KCNC1: variants seen among roughly 807,000 people sequenced by gnomAD.
KCNC1 encodes the protein voltage-gated potassium channel KCNC1.
A neutral mutation model predicts 43.4 loss-of-function variants in KCNC1; 8 were observed. The ratio of observed to expected loss-of-function variants is 0.18; its 90% CI spans 0.11 to 0.33. The LOEUF (loss-of-function observed/expected upper bound fraction) is 0.33, where lower values mean the gene tolerates loss of function less well. KCNC1 is among the 10% of genes least tolerant of loss of function. The pLI is 1.00. For synonymous variants in KCNC1, 361 were observed against 360.5 expected, an observed-to-expected ratio of 1.00 and a Z score of -0.01; for missense variants, 420 against 836.0, an observed-to-expected ratio of 0.50 and a Z score of 6.14.
chr11:17,771,800 T>C lies in KCNC1; in HGVS notation c.706T>C (p.Tyr236His), dbSNP rs1849232996. 1.2e-6 allele frequency: 2 copies of C among 1,614,256 alleles called. No individual in the cohort carries two copies. The highest frequency in any genetic ancestry group is 8.5e-7 in the Non-Finnish European group (1 of 1,180,034). The part of the protein sequence containing the change: ...NVRNGTQVRY[Y>H]REAETEAFLT... ...TCGCAATGGCACGCAAGTGCGCTAC[T>C]ACCGGGAGGCCGAGACGGAGGCCTT... Residue 236 changes from tyrosine to histidine, a missense_variant, in exon 2 of 4, where the codon TAC becomes CAC. Transcript: ENST00000265969. This position sits in a 1 kb window ranked among gnomAD's most constrained non-coding sequence, Gnocchi z 4.7.
At chr11:17,768,699 G>A (rs1468019397) in intron 1 of KCNC1, among the ~76,000 whole-genome samples, 1 of 151,872 alleles carries the variant, frequency 6.6e-6, no homozygotes, top group East Asian at 1.9e-4. Flanking sequence ...CCAGGATTGA[G>A]AGCCAAGTGT....
chr11:17,767,360 GA>G (rs1486408194), intron 1 of KCNC1, among the ~76,000 whole-genome samples: 4 of 151,826 alleles, frequency 2.6e-5, no homozygotes, highest in African/African-American at 9.7e-5. Context: ...GCCTCATCAC[GA>G]GCTTTAAAAC....
At position 17,767,437 on chromosome 11, in the gene KCNC1, C is replaced by T. The variant is rs528816197; in HGVS notation, c.571-4228C>T. Among the ~76,000 whole-genome samples the T allele has an allele frequency of 2.5e-3, 375 of 152,318 alleles. 2 individuals carry two copies. The highest frequency in any genetic ancestry group is 8.4e-3 in the African/African-American group (348 of 41,564). ...CCTTGAAGCAATGGGGATATGGCCC[C>T]GTCTCACCAAGCTGGTGTGAGGACT... is the stretch of plus-strand genomic sequence containing the variant. On this transcript the variant is annotated intron_variant, in intron 1 of 3. Transcript: ENST00000265969.
intron 1 of KCNC1, among the ~76,000 whole-genome samples, chr11:17,758,164 C>CACCAGGAATAGATTCCATCTCAAGAA (rs1849041561): frequency 1.3e-5 from 2 of 152,240 alleles, no homozygotes; most frequent in African/African-American, 2.4e-5. Flanking sequence ...ATAGCATCTT[C>CACCAGGAATAGATTCCATCTCAAGAA]ACCAGGAATA....
chr11:17,765,832 T>C (rs1849143956), intron 1 of KCNC1: 1 of 152,310 alleles, frequency 6.6e-6, no homozygotes, highest in South Asian at 2.1e-4. Context: ...CAGGCCTGGA[T>C]CCTGGGTGTG....
Position 17,776,893 on chromosome 11 carries a change from A to G in KCNC1, c.1505-2563A>G, listed in dbSNP as rs1343904167. The G allele has an allele frequency of 4.1e-6, 4 of 985,188 alleles. No homozygotes were observed. The highest frequency in any genetic ancestry group is 6.1e-5 in the Admixed American group (1 of 16,264). The allele number at this position is 985,188 out of a possible 1,614,324, so 61.0% of individuals were successfully genotyped here. A position where few individuals can be genotyped will look rare whatever the true frequency, so the allele number is the denominator to read the frequency against. ...TGAAAGCATCTTAAACCATAGATAG[A>G]CGAACAGCCCAGGGGCCTGGGCCCC... On this transcript the variant is annotated intron_variant, in intron 2 of 3. Transcript: ENST00000265969. This position sits in a 1 kb window ranked among gnomAD's most constrained non-coding sequence, Gnocchi z 4.4.
chr11:17,773,685 G>A lies in KCNC1; in HGVS notation c.1504+1087G>A. 5 of 985,396 alleles carry A rather than the reference G, an allele frequency of 5.1e-6. No homozygotes were observed. The highest frequency in any genetic ancestry group is 6.0e-6 in the Non-Finnish European group (5 of 829,920). The allele number at this position is 985,396 out of a possible 1,614,324, so 61.0% of individuals were successfully genotyped here. On this transcript the variant is annotated intron_variant, in intron 2 of 3. Coordinates refer to ENST00000265969, the MANE Select transcript of KCNC1 (RefSeq NM_001112741.2). This position sits in a 1 kb window ranked among gnomAD's most constrained non-coding sequence, Gnocchi z 4.1. ...GAACCTGCACATAGCACATAAAGTT[G>A]ATCATGGGGCTCTGGTCCGAAGATA...
chr11:17,775,353 C>G (rs1290379642), intron 2 of KCNC1: 3 of 984,598 alleles, frequency 3.0e-6, no homozygotes, highest in Non-Finnish European at 3.6e-6. Context: ...CTCTTGGTCT[C>G]GTCTGAAGCC....
At chr11:17,741,306 G>C (rs373499944) in intron 1 of KCNC1, among the ~76,000 whole-genome samples, 1 of 147,738 alleles carries the variant, frequency 6.8e-6, no homozygotes, top group East Asian at 2.0e-4. Context: ...TGGGAATAAA[G>C]TTAGAACCGT....
Position 17,736,513 on chromosome 11 carries a change from C to A in KCNC1, c.511C>A (p.Arg171Ser). 3 of 1,585,812 alleles carry A rather than the reference C, an allele frequency of 1.9e-6. No individual in the cohort carries two copies. The highest frequency in any genetic ancestry group is 2.6e-6 in the Non-Finnish European group (3 of 1,173,276). Residue 171 changes from arginine to serine, a missense_variant, in exon 1 of 4, where the codon CGC (arginine) becomes AGC (serine). Physicochemically the swap from Arg to Ser is moderately radical, Grantham distance 110. Transcript: ENST00000265969. This position sits in a 1 kb window ranked among gnomAD's most constrained non-coding sequence, Gnocchi z 9.3. ...TGGCCGGCCTGGCGGCTTTTGGCGC[C>A]GCTGGCAGCCGCGCATCTGGGCGCT... ...PDGRPGGFWR[R>S]WQPRIWALFE...
At chr11:17,760,324 C>T (rs1467506656) in intron 1 of KCNC1, among the ~76,000 whole-genome samples, 1 of 152,156 alleles carries the variant, frequency 6.6e-6, no homozygotes, top group Non-Finnish European at 1.5e-5. Context: ...TAGGAGACAC[C>T]TGCTTGTTCT....
Position 17,742,242 on chromosome 11 carries a change from C to T in KCNC1, c.570+5670C>T, listed in dbSNP as rs932947410. On this transcript the variant is annotated intron_variant, in intron 1 of 3. Coordinates refer to ENST00000265969, the MANE Select transcript of KCNC1 (RefSeq NM_001112741.2). This position sits in a 1 kb window ranked among gnomAD's most constrained non-coding sequence, Gnocchi z 4.2. ...AGCATTTGGAGTCTGTGCTCCTTGA[C>T]TCTGAGCAGGAGGCCTGGCCTCTGC... Among the ~76,000 whole-genome samples, 1 of 152,058 alleles carries T rather than the reference C, an allele frequency of 6.6e-6. No individual in the cohort carries two copies. Among genetic ancestry groups the T allele is most frequent in the African/African-American group, 2.4e-5 (1 of 41,388 alleles).
Position 17,774,419 on chromosome 11 carries a change from G to A in KCNC1, c.1504+1821G>A, listed in dbSNP as rs111260885. 67 of 985,542 alleles carry A rather than the reference G, an allele frequency of 6.8e-5. No homozygotes were observed. The African/African-American group carries it at 1.1e-3, about 16-fold the overall frequency. 61.0% of individuals were successfully genotyped at this position (985,542 alleles called of 1,614,324 possible). ...CAGGAGTGTTGCCCCAAGCACAGGT[G>A]CCCTGGGCCAGCCAGTCAAGAATCC... On this transcript the variant is annotated intron_variant, in intron 2 of 3. Transcript: ENST00000265969.
At position 17,773,068 on chromosome 11, in the gene KCNC1, G is replaced by A. The variant is rs1021607760; in HGVS notation, c.1504+470G>A. ...AGGCTGTGTAGATGGCAGAGATGGT[G>A]CATGGGATCTGGGCAGGAGGGTCCC... On this transcript the variant is annotated intron_variant, in intron 2 of 3. Coordinates refer to ENST00000265969, the MANE Select transcript of KCNC1 (RefSeq NM_001112741.2). This position sits in a 1 kb window ranked among gnomAD's most constrained non-coding sequence, Gnocchi z 4.1. 7.9e-6 allele frequency: 8 copies of A among 1,006,894 alleles called. No homozygotes were observed. The highest frequency in any genetic ancestry group is 1.7e-5 in the African/African-American group (1 of 57,432). The allele number at this position is 1,006,894 out of a possible 1,614,324, so 62.4% of individuals were successfully genotyped here. A position where few individuals can be genotyped will look rare whatever the true frequency, so the allele number is the denominator to read the frequency against.
Position 17,781,389 on chromosome 11 carries a change from A to C in KCNC1, c.1694-281A>C, listed in dbSNP as rs1849344266. The stretch of plus-strand genomic sequence containing the variant: ...CATGGAGCCACGACAGCCGCCGAGG[A>C]CTTGTTTTTCTCAGGCTAATTCTGA... On this transcript the variant is annotated intron_variant, in intron 3 of 3. Transcript: ENST00000265969. The surrounding 1 kb of genome is among the most constrained non-coding windows in gnomAD (Gnocchi z 5.1). 2.4e-6 allele frequency: 1 copy of C among 412,144 alleles called. No individual in the cohort carries two copies. The highest frequency in any genetic ancestry group is 4.3e-6 in the Non-Finnish European group (1 of 231,084). The allele number at this position is 412,144 out of a possible 1,614,324, so 25.5% of individuals were successfully genotyped here.
At chr11:17,744,677 T>C (rs1236771186) in intron 1 of KCNC1, among the ~76,000 whole-genome samples, 1 of 151,824 alleles carries the variant, frequency 6.6e-6, no homozygotes, top group African/African-American at 2.4e-5. Flanking sequence ...GCAGGGGCAG[T>C]GGGGCCAACT....
intron 1 of KCNC1, among the ~76,000 whole-genome samples, chr11:17,758,495 T>C (rs1849044479): frequency 6.6e-6 from 1 of 152,258 alleles, no homozygotes; most frequent in South Asian, 2.1e-4. Context: ...CAATTGACTT[T>C]GCACAGATTG....
intron 1 of KCNC1, among the ~76,000 whole-genome samples, chr11:17,747,698 C>G (rs1471136592): frequency 6.6e-6 from 1 of 152,206 alleles, no homozygotes; most frequent in African/African-American, 2.4e-5. Flanking sequence ...GGCTCAGGAA[C>G]CAGCCTCGCT....
chr11:17,782,797 G>A lies in KCNC1; in HGVS notation c.*1063G>A, dbSNP rs914520459. Reference sequence around the variant, plus strand: ...CGGAGGTTTGCAGAGACACACTTCTGCATCTCGAATAAATATAGTATTTTC... The same window carrying A: ...CGGAGGTTTGCAGAGACACACTTCTACATCTCGAATAAATATAGTATTTTC... On this transcript the variant is annotated 3_prime_UTR_variant, in exon 4 of 4. Coordinates refer to ENST00000265969, the MANE Select transcript of KCNC1 (RefSeq NM_001112741.2). 1 of 151,864 alleles carries A rather than the reference G, an allele frequency of 6.6e-6. No homozygotes were observed. The highest frequency in any genetic ancestry group is 2.4e-5 in the African/African-American group (1 of 41,334). The allele number at this position is 151,864 out of a possible 1,614,324, so 9.4% of individuals were successfully genotyped here. A position where few individuals can be genotyped will look rare whatever the true frequency, so the allele number is the denominator to read the frequency against.
Sources: allele counts gnomAD v4.1 joint callset (sites outside exome capture counted in the v4.1 genomes callset), GRCh38; gene constraint gnomAD v4.1.1; non-coding constraint Gnocchi (gnomAD v3.1); transcripts MANE v1.5; gene names NCBI Gene and HGNC (gene_info 2026-07-23, HGNC 2026-07-21).